The following RIGI variants were observed in gnomAD, a reference collection of about 807,000 sequenced individuals.
RIGI encodes the protein antiviral innate immune response receptor RIG-I.
the RIGI span, among the ~76,000 whole-genome samples, chr9:32,508,588 C>G: frequency 0.4 from 61,269 of 151,872 alleles, 13,120 homozygotes; most frequent in South Asian, 0.53. Flanking sequence ...GCTTTTCCCC[C>G]CAAGTCTTCG....
At chr9:32,472,021 G>T in the RIGI span, among the ~76,000 whole-genome samples, 1 of 152,102 alleles carries the variant, frequency 6.6e-6, no homozygotes, top group Non-Finnish European at 1.5e-5. Flanking sequence ...ACTGAGGGGT[G>T]GGGGGCACAG....
chr9:32,498,857 C>T, the RIGI span, among the ~76,000 whole-genome samples: 1 of 151,948 alleles, frequency 6.6e-6, no homozygotes, highest in East Asian at 1.9e-4. Context: ...GTGGTGGCCA[C>T]CTGTAATCCC....
the RIGI span, among the ~76,000 whole-genome samples, chr9:32,479,395 A>G: frequency 6.6e-6 from 1 of 152,228 alleles, no homozygotes; most frequent in East Asian, 1.9e-4. Context: ...TAGAGGCCAA[A>G]AAAACCCCAA....
At chr9:32,521,992 A>T in the RIGI span, among the ~76,000 whole-genome samples, 1 of 152,212 alleles carries the variant, frequency 6.6e-6, no homozygotes, top group South Asian at 2.1e-4. Flanking sequence ...GGACTTCATG[A>T]AAAGGAGTCT....
At chr9:32,524,990 C>A in the RIGI span, among the ~76,000 whole-genome samples, 1 of 152,166 alleles carries the variant, frequency 6.6e-6, no homozygotes, top group Non-Finnish European at 1.5e-5. Flanking sequence ...CACTGCCTTG[C>A]CACCAAATGG....
chr9:32,505,562 A>G, the RIGI span, among the ~76,000 whole-genome samples: 1 of 151,970 alleles, frequency 6.6e-6, no homozygotes, highest in African/African-American at 2.4e-5. Context: ...TCATTTCAGC[A>G]TTTTTTTTGT....
At chr9:32,497,148 C>T in the RIGI span, among the ~76,000 whole-genome samples, 1 of 152,256 alleles carries the variant, frequency 6.6e-6, no homozygotes, top group South Asian at 2.1e-4. Context: ...GTAGTATAGG[C>T]AACTTAAGTC....
chr9:32,508,260 C>CTTTTTT, the RIGI span, among the ~76,000 whole-genome samples: 1 of 8,060 alleles, frequency 1.2e-4, no homozygotes, highest in African/African-American at 4.8e-4. Context: ...TTTTTTTTTA[C>CTTTTTT]TATATGAAAA....
At chr9:32,492,014 T>C in the RIGI span, among the ~76,000 whole-genome samples, 1 of 152,204 alleles carries the variant, frequency 6.6e-6, no homozygotes, top group Non-Finnish European at 1.5e-5. Context: ...CCAGGCAATG[T>C]CTGTCAAGAA....
chr9:32,499,581 G>A, the RIGI span, among the ~76,000 whole-genome samples: 9 of 151,806 alleles, frequency 5.9e-5, no homozygotes, highest in South Asian at 2.1e-4. Context: ...TCAGCCTCCC[G>A]GGTAGCTGGG....
At chr9:32,471,555 T>C in the RIGI span, among the ~76,000 whole-genome samples, 1 of 152,116 alleles carries the variant, frequency 6.6e-6, no homozygotes, top group African/African-American at 2.4e-5. Context: ...TATAATTGAG[T>C]ATGATGAGCA....
chr9:32,475,601 A>T, the RIGI span, among the ~76,000 whole-genome samples: 1 of 152,180 alleles, frequency 6.6e-6, no homozygotes, highest in Non-Finnish European at 1.5e-5. Context: ...CTGAATGTCC[A>T]TACACAAAAA....
chr9:32,512,327 C>A, the RIGI span, among the ~76,000 whole-genome samples: 1 of 152,162 alleles, frequency 6.6e-6, no homozygotes, highest in African/African-American at 2.4e-5. Context: ...CAATAAAATA[C>A]TGGCAAACTG....
At chr9:32,464,135 C>T in the RIGI span, among the ~76,000 whole-genome samples, 1 of 151,658 alleles carries the variant, frequency 6.6e-6, no homozygotes, top group Non-Finnish European at 1.5e-5. Flanking sequence ...AGAAAGCAGT[C>T]TGCCAGTACT....
chr9:32,469,615 G>GT, the RIGI span, among the ~76,000 whole-genome samples: 9 of 152,182 alleles, frequency 5.9e-5, no homozygotes, highest in Non-Finnish European at 8.8e-5. Flanking sequence ...TTAGACTAGC[G>GT]TAAGTGGGTT....
chr9:32,464,269 ACCCAAAC>A, the RIGI span, among the ~76,000 whole-genome samples: 80 of 151,342 alleles, frequency 5.3e-4, 1 homozygote, highest in Middle Eastern at 0.014. Flanking sequence ...GGATGCTCAA[ACCCAAAC>A]CCCAAACCCT....
At chr9:32,516,869 T>A in the RIGI span, among the ~76,000 whole-genome samples, 5,105 of 152,236 alleles carry the variant, frequency 0.034, 282 homozygotes, top group African/African-American at 0.11. Context: ...AAAGCCCGAT[T>A]GAGAGAGAAA....
chr9:32,463,273 GTTACA>G, the RIGI span, among the ~76,000 whole-genome samples: 14 of 152,212 alleles, frequency 9.2e-5, no homozygotes, highest in East Asian at 1.4e-3. Flanking sequence ...TTGTAAAACT[GTTACA>G]TTATATGTAT....
At chr9:32,482,853 TAA>T in the RIGI span, among the ~76,000 whole-genome samples, 1 of 142,252 alleles carries the variant, frequency 7.0e-6, no homozygotes, top group African/African-American at 2.6e-5. Flanking sequence ...GTGAGACTCT[TAA>T]AAAAAAAAAA....
Sources: gnomAD v4.1 joint callset for allele counts (sites outside exome capture counted in the v4.1 genomes callset) on GRCh38, gnomAD v4.1.1 for gene constraint, MANE v1.5 for transcripts, NCBI Gene and HGNC (gene_info 2026-07-23, HGNC 2026-07-21) for gene names.